Variants in NECTIN1 observed in about 807,000 individuals in gnomAD.
NECTIN1 encodes the protein nectin-1.
NECTIN1 carries 23 observed loss-of-function variants against 48.0 expected under a neutral mutation model. The ratio of observed to expected loss-of-function variants is 0.48; its 90% CI spans 0.34 to 0.68. The LOEUF (loss-of-function observed/expected upper bound fraction) is 0.68. NECTIN1 is among the 30% of genes least tolerant of loss of function. The pLI, the probability that NECTIN1 is intolerant of heterozygous loss-of-function variation, is 0.01. For missense variants in NECTIN1, 591 were observed against 709.9 expected (o/e 0.83, Z 1.90); for synonymous variants, 270 against 288.9 (o/e 0.93, Z 0.66).
chr11:119,726,567 G>A (rs1357185920), intron 1 of NECTIN1, among the ~76,000 whole-genome samples: 2 of 152,190 alleles, frequency 1.3e-5, no homozygotes, highest in African/African-American at 4.8e-5. Context: ...TCCACCTTGA[G>A]CCAGGTGAGT....
rs147270434 is a variant in NECTIN1 at position 119,720,078 on chromosome 11, A to G, written c.79+8397T>C. 2.6e-3 allele frequency among the ~76,000 whole-genome samples: 394 copies of G among 152,278 alleles called. 4 individuals carry two copies. The highest frequency in any genetic ancestry group is 8.7e-3 in the African/African-American group (362 of 41,552). On this transcript the variant is annotated intron_variant, in intron 1 of 5. Coordinates refer to ENST00000264025, the MANE Select transcript of NECTIN1 (RefSeq NM_002855.5). Reference sequence around the variant, plus strand: ...TTAGGGTGGTGCTGTGCCCCCTCAGATGTGCTTTAGGTGGATTCACCCAAG... The same window carrying G: ...TTAGGGTGGTGCTGTGCCCCCTCAGGTGTGCTTTAGGTGGATTCACCCAAG...
chr11:119,702,832 T>C (rs1214134303), intron 1 of NECTIN1, among the ~76,000 whole-genome samples: 1 of 152,190 alleles, frequency 6.6e-6, no homozygotes, highest in Non-Finnish European at 1.5e-5. Context: ...CCCCACACCT[T>C]TGGCAGATGC....
chr11:119,667,076 A>G (rs1695097588), intron 5 of NECTIN1, among the ~76,000 whole-genome samples: 1 of 152,124 alleles, frequency 6.6e-6, no homozygotes, highest in Non-Finnish European at 1.5e-5. Context: ...GCTGCCCAGT[A>G]CATATCCATG....
intron 1 of NECTIN1, among the ~76,000 whole-genome samples, chr11:119,692,217 T>TG (rs953973169): frequency 2.6e-5 from 4 of 152,208 alleles, no homozygotes; most frequent in Admixed American, 1.3e-4. Context: ...GGGTAGGGGT[T>TG]GGCGTGCCAG....
chr11:119,717,972 T>C (rs1591487987), intron 1 of NECTIN1, among the ~76,000 whole-genome samples: 3 of 152,216 alleles, frequency 2.0e-5, no homozygotes, highest in Admixed American at 2.0e-4. Context: ...GGCCGCGCGG[T>C]AATTCAAGCT....
At chr11:119,648,688 C>G (rs956492720) in intron 5 of NECTIN1, among the ~76,000 whole-genome samples, 5 of 151,932 alleles carry the variant, frequency 3.3e-5, no homozygotes, top group Admixed American at 2.6e-4. Flanking sequence ...GGGGCAGAGC[C>G]CAGGAAGCTG....
At chr11:119,645,076 G>A (rs1009586631) in intron 5 of NECTIN1, among the ~76,000 whole-genome samples, 30 of 144,758 alleles carry the variant, frequency 2.1e-4, no homozygotes, top group African/African-American at 7.6e-4. Flanking sequence ...GGGTTGGTCT[G>A]CCCTCTGCTT....
Position 119,655,716 on chromosome 11 carries a change from C to T in NECTIN1, c.1004-15704G>A, listed in dbSNP as rs139764593. Among the ~76,000 whole-genome samples, 639 of 152,216 alleles carry T rather than the reference C, an allele frequency of 4.2e-3. 4 individuals are homozygous for T. The highest frequency in any genetic ancestry group is 0.02 in the Middle Eastern group (6 of 294). On this transcript the variant is annotated intron_variant, in intron 5 of 7. Transcript: ENST00000341398. Reference sequence around the variant, plus strand: ...TTCTGTGTAGCTTCCCAGGGAAATACCTAGACCAGTGGGTGAAGCGTAGGG... The same window carrying T: ...TTCTGTGTAGCTTCCCAGGGAAATATCTAGACCAGTGGGTGAAGCGTAGGG...
intron 5 of NECTIN1, among the ~76,000 whole-genome samples, chr11:119,643,203 G>A (rs201564537): frequency 1.3e-5 from 2 of 152,194 alleles, no homozygotes; most frequent in African/African-American, 2.4e-5. Context: ...CTGGAGGGTC[G>A]CACCCTGGTG....
chr11:119,675,950 G>A (rs1452880356), intron 4 of NECTIN1, among the ~76,000 whole-genome samples: 3 of 151,814 alleles, frequency 2.0e-5, no homozygotes, highest in African/African-American at 7.3e-5. Context: ...AGGTTGCAGT[G>A]AGCCAAGATT....
rs980289289 is a variant in NECTIN1, at chr11:119,672,645, C to T, written c.1003+2514G>A. Among the ~76,000 whole-genome samples the T allele has an allele frequency of 3.3e-5, 5 of 152,224 alleles. No individual in the cohort carries two copies. Among genetic ancestry groups the T allele is most frequent in the South Asian group, 2.1e-4 (1 of 4,834 alleles). On this transcript the variant is annotated intron_variant, in intron 5 of 5. Transcript: ENST00000264025. The surrounding 1 kb of genome is among the most constrained non-coding windows in gnomAD (Gnocchi z 4.3). ...AATGCTCAGTCTAACCCACACACCT[C>T]GCCACGGTGCTTCCTGGCTGAGAGC...
intron 1 of NECTIN1, among the ~76,000 whole-genome samples, chr11:119,718,264 T>C (rs1001587912): frequency 6.6e-6 from 1 of 152,174 alleles, no homozygotes; most frequent in Admixed American, 6.5e-5. Flanking sequence ...TCTGCCCCCG[T>C]GATCTTCTTC....
Position 119,661,163 on chromosome 11 carries a change from A to T in NECTIN1, c.*3584T>A. 1 of 985,826 alleles carries T rather than the reference A, an allele frequency of 1.0e-6. No individual in the cohort carries two copies. Among genetic ancestry groups the T allele is most frequent in the Non-Finnish European group, 1.2e-6 (1 of 829,948 alleles). The allele number at this position is 985,826 out of a possible 1,614,324, so 61.1% of individuals were successfully genotyped here. A position where few individuals can be genotyped will look rare whatever the true frequency, so the allele number is the denominator to read the frequency against. On this transcript the variant is annotated 3_prime_UTR_variant, in exon 6 of 6. Coordinates refer to ENST00000264025, the MANE Select transcript of NECTIN1 (RefSeq NM_002855.5). ...GACCAAAGGCGGAAAGGGCGACAAG[A>T]CGCCGAAGCAAGGTAGCGCATCACG... is the stretch of plus-strand genomic sequence containing the variant.
chr11:119,715,558 G>A (rs1204013752), intron 1 of NECTIN1, among the ~76,000 whole-genome samples: 2 of 152,226 alleles, frequency 1.3e-5, no homozygotes, highest in East Asian at 1.9e-4. Context: ...GTTTCACCAT[G>A]TTGGCCAGGC....
At chr11:119,638,852 G>A (rs1864277952) in intron 6 of NECTIN1, 2 of 1,528,176 alleles carry the variant, frequency 1.3e-6, no homozygotes, top group South Asian at 1.1e-5. Context: ...CACACATGGG[G>A]GCTCTCCCCA....
At chr11:119,722,507 A>T (rs1281392978) in intron 1 of NECTIN1, among the ~76,000 whole-genome samples, 2 of 152,268 alleles carry the variant, frequency 1.3e-5, no homozygotes, top group Admixed American at 1.3e-4. Flanking sequence ...GGCCACGGCT[A>T]GCCTCCAGAT....
In NECTIN1 at chr11:119,665,016, C is replaced by T. The variant is rs1197081462; in HGVS notation, c.1285G>A (p.Gly429Ser). 3 of 1,613,814 alleles carry T rather than the reference C, an allele frequency of 1.9e-6. No individual in the cohort carries two copies. The highest frequency in any genetic ancestry group is 1.7e-5 in the Admixed American group (1 of 60,016). ...TCATAGCTGCTTCCACCCAGTGGGC[C>T]GGCCTTCTTCTCGTCGTCTGAGTCG... ...PDDSDDEKKA[G>S]PLGGSSYEEE... Residue 429 changes from glycine (G) to serine (S), a missense_variant, in exon 6 of 6, where the codon GGC (glycine) becomes AGC (serine). Transcript: ENST00000264025. The surrounding 1 kb of genome is among the most constrained non-coding windows in gnomAD (Gnocchi z 5.1).
At position 119,663,042 on chromosome 11, in the gene NECTIN1, G is replaced by T. The variant is rs912179954; in HGVS notation, c.*1705C>A. 4.1e-6 allele frequency: 4 copies of T among 983,604 alleles called. No individual in the cohort carries two copies. In the African/African-American group the frequency reaches 5.4e-5, roughly 13 times the overall value. 60.9% of individuals were successfully genotyped at this position (983,604 alleles called of 1,614,324 possible). ...GGGAGGGGAGGGGAGGGGTTGGGGG[G>T]CTCCCTTAGGAAGCCTATGGCAGGG... is the stretch of plus-strand genomic sequence containing the variant. On this transcript the variant is annotated 3_prime_UTR_variant, in exon 6 of 6. Transcript: ENST00000264025.
intron 1 of NECTIN1, among the ~76,000 whole-genome samples, chr11:119,724,002 C>G (rs538049107): frequency 3.3e-5 from 5 of 152,246 alleles, no homozygotes; most frequent in African/African-American, 7.2e-5. Context: ...ACTTCTTTTT[C>G]CAATAAGGGG....
Sources: allele counts gnomAD v4.1 joint callset (sites outside exome capture counted in the v4.1 genomes callset), GRCh38; gene constraint gnomAD v4.1.1; non-coding constraint Gnocchi (gnomAD v3.1); transcripts MANE v1.5; gene names NCBI Gene and HGNC (gene_info 2026-07-23, HGNC 2026-07-21).